The following CDH18 variants were observed in gnomAD, a reference collection of about 807,000 sequenced individuals.
CDH18 encodes the protein cadherin-18.
In CDH18, 31 loss-of-function variants were observed where a neutral mutation model predicts 67.9. The observed-to-expected ratio is 0.46, with a 90% CI of 0.34 to 0.62. The LOEUF (loss-of-function observed/expected upper bound fraction) is 0.62, where lower values mean the gene tolerates loss of function less well. Among genes scored for constraint, CDH18 ranks in the 20% least tolerant of loss-of-function variants. The pLI is 0.01. For synonymous variants in CDH18, 362 were observed against 347.2 expected, an observed-to-expected ratio of 1.04 and a Z score of -0.48; for missense variants, 890 against 975.5, an observed-to-expected ratio of 0.91 and a Z score of 1.17.
At chr5:19,912,923 C>T (rs941176922) in intron 2 of CDH18, among the ~76,000 whole-genome samples, 4 of 152,090 alleles carry the variant, frequency 2.6e-5, no homozygotes, top group African/African-American at 9.7e-5. Flanking sequence ...TCTCAAGTGT[C>T]TTGAATGCCA....
intron 2 of CDH18, among the ~76,000 whole-genome samples, chr5:19,936,130 A>C (rs1422304713): frequency 6.6e-6 from 1 of 151,236 alleles, no homozygotes; most frequent in Admixed American, 6.6e-5. Context: ...GTAACACTGA[A>C]AGTTGCCTGT....
intron 1 of CDH18, among the ~76,000 whole-genome samples, chr5:20,470,104 C>T (rs546627166): frequency 6.6e-6 from 1 of 152,300 alleles, no homozygotes; most frequent in South Asian, 2.1e-4. Context: ...TCGGGCAGCC[C>T]TACTGTGATA....
chr5:19,983,374 A>T (rs1223519620), intron 1 of CDH18, among the ~76,000 whole-genome samples: 1 of 152,164 alleles, frequency 6.6e-6, no homozygotes, highest in Non-Finnish European at 1.5e-5. Flanking sequence ...ACATAAAATG[A>T]AACAGAAATG....
chr5:20,559,304 G>A (rs143254220), intron 1 of CDH18, among the ~76,000 whole-genome samples: 10 of 151,902 alleles, frequency 6.6e-5, no homozygotes, highest in African/African-American at 2.2e-4. Flanking sequence ...TCCTCCCCAG[G>A]AATAATACAA....
rs566831618 is a variant in CDH18 at position 20,193,892 on chromosome 5, T to C, written c.-518+61552A>G. Among the ~76,000 whole-genome samples the C allele has an allele frequency of 7.9e-5, 12 of 152,188 alleles. No individual in the cohort carries two copies. In the South Asian group the frequency reaches 2.3e-3, roughly 29 times the overall value. ...AAATGCAGAACAGGCCTTTGATAAA[T>C]TCAACATGCCTTCATGTTAAAAACT... On this transcript the variant is annotated intron_variant, in intron 2 of 14. Coordinates refer to the CDH18 transcript ENST00000507958.
chr5:20,046,943 A>G (rs1740953124), intron 2 of CDH18, among the ~76,000 whole-genome samples: 1 of 151,990 alleles, frequency 6.6e-6, no homozygotes, highest in Non-Finnish European at 1.5e-5. Context: ...AACATGGCAC[A>G]TGTATACATA....
chr5:19,860,060 G>A (rs1414613408), intron 2 of CDH18, among the ~76,000 whole-genome samples: 1 of 149,728 alleles, frequency 6.7e-6, no homozygotes, highest in Non-Finnish European at 1.5e-5. Context: ...ATCCGATTAG[G>A]CATTTCTCAC....
chr5:19,626,165 C>G (rs920141741), intron 5 of CDH18, among the ~76,000 whole-genome samples: 3 of 152,040 alleles, frequency 2.0e-5, no homozygotes, highest in Non-Finnish European at 4.4e-5. Context: ...GAGAGGACAC[C>G]ACTCAAGCGA....
intron 2 of CDH18, among the ~76,000 whole-genome samples, chr5:20,159,130 T>C (rs1751780994): frequency 6.6e-6 from 1 of 152,198 alleles, no homozygotes; most frequent in Admixed American, 6.5e-5. Context: ...TAAAGTTGCT[T>C]GACACTAAGA....
At chr5:19,723,927 C>T (rs2150590468) in intron 4 of CDH18, among the ~76,000 whole-genome samples, 1 of 152,102 alleles carries the variant, frequency 6.6e-6, no homozygotes, top group East Asian at 1.9e-4. Flanking sequence ...GTTGGCCAGG[C>T]TGTGAACTCC....
chr5:19,993,304 GAC>G (rs1286113223), intron 2 of CDH18, among the ~76,000 whole-genome samples: 1 of 152,036 alleles, frequency 6.6e-6, no homozygotes, highest in African/African-American at 2.4e-5. Context: ...TCAATTATAT[GAC>G]ACAGTTATCA....
intron 1 of CDH18, among the ~76,000 whole-genome samples, chr5:20,414,264 C>G (rs2150148476): frequency 6.6e-6 from 1 of 150,680 alleles, no homozygotes; most frequent in African/African-American, 2.5e-5. Flanking sequence ...AATAGTAAGT[C>G]TTGGAATCAC....
At chr5:19,813,923 G>A (rs1468016493) in intron 3 of CDH18, among the ~76,000 whole-genome samples, 1 of 151,786 alleles carries the variant, frequency 6.6e-6, no homozygotes, top group Non-Finnish European at 1.5e-5. Context: ...TGTGTGTTAA[G>A]TCTATTGAGA....
At chr5:20,516,837 G>A (rs1450757655) in intron 1 of CDH18, among the ~76,000 whole-genome samples, 1 of 151,844 alleles carries the variant, frequency 6.6e-6, no homozygotes, top group African/African-American at 2.4e-5. Flanking sequence ...CTGGAAGCAG[G>A]ATTTACAACC....
At chr5:20,374,356 G>A (rs1288725421) in intron 1 of CDH18, among the ~76,000 whole-genome samples, 1 of 152,180 alleles carries the variant, frequency 6.6e-6, no homozygotes, top group Non-Finnish European at 1.5e-5. Flanking sequence ...AATGTATTGA[G>A]TGAATAAAAC....
chr5:19,935,452 A>C (rs1255165916), intron 2 of CDH18, among the ~76,000 whole-genome samples: 2 of 151,138 alleles, frequency 1.3e-5, no homozygotes. Context: ...CTATGTTTTG[A>C]TACTTCTGGA....
intron 1 of CDH18, among the ~76,000 whole-genome samples, chr5:20,402,528 A>T (rs1745859205): frequency 1.3e-5 from 2 of 152,240 alleles, no homozygotes; most frequent in South Asian, 4.1e-4. Flanking sequence ...GAAGATAGAA[A>T]TAAATTGGGT....
intron 1 of CDH18, among the ~76,000 whole-genome samples, chr5:20,366,064 G>T (rs755569636): frequency 7.9e-5 from 12 of 152,054 alleles, no homozygotes; most frequent in Admixed American, 2.6e-4. Context: ...CAAAACTCCT[G>T]CCAATGCATC....
At chr5:20,162,847 T>A (rs1020881189) in intron 2 of CDH18, among the ~76,000 whole-genome samples, 1 of 151,784 alleles carries the variant, frequency 6.6e-6, no homozygotes, top group East Asian at 1.9e-4. Context: ...TCATCTGAGG[T>A]CAGGAGTTTG....
Sources: gnomAD v4.1 joint callset for allele counts (sites outside exome capture counted in the v4.1 genomes callset) on GRCh38, gnomAD v4.1.1 for gene constraint, MANE v1.5 for transcripts, NCBI Gene and HGNC (gene_info 2026-07-23, HGNC 2026-07-21) for gene names.